Variants in ZFAND3 observed in about 807,000 individuals in gnomAD.
The protein encoded by ZFAND3 is AN1-type zinc finger protein 3.
A neutral mutation model predicts 29.6 loss-of-function variants in ZFAND3; 10 were observed. That is an observed-to-expected ratio of 0.34 (90% confidence interval 0.21 to 0.57). ZFAND3 has a LOEUF of 0.57. Ranked by LOEUF, ZFAND3 falls within the 20% of genes least tolerant of loss-of-function variation. The probability of loss-of-function intolerance (pLI) is 0.86; values close to 1 mark genes in which losing one functional copy is unlikely to be tolerated. For missense variants in ZFAND3, 230 were observed against 304.5 expected (o/e 0.76, Z 1.82); for synonymous variants, 128 against 112.6 (o/e 1.14, Z -0.87).
chr6:38,144,233 T>TATAATATATATATA, intron 5 of ZFAND3, among the ~76,000 whole-genome samples: 1 of 59,676 alleles, frequency 1.7e-5, no homozygotes, highest in African/African-American at 7.4e-5. Context: ...ATATATATAT[T>TATAATATATATATA]TTTTTTTTAA....
intron 3 of ZFAND3, among the ~76,000 whole-genome samples, chr6:38,065,054 C>T (rs1209574742): frequency 1.3e-5 from 2 of 152,166 alleles, no homozygotes; most frequent in African/African-American, 4.8e-5. Flanking sequence ...GCACATGGCT[C>T]ACGCCTGTAA....
At chr6:38,037,188 G>A (rs983329828) in intron 2 of ZFAND3, among the ~76,000 whole-genome samples, 2 of 152,144 alleles carry the variant, frequency 1.3e-5, no homozygotes, top group Admixed American at 1.3e-4. Flanking sequence ...ACCTCTTAAA[G>A]GTTTGTAAGG....
chr6:38,007,590 A>G (rs1281277888), intron 2 of ZFAND3, among the ~76,000 whole-genome samples: 2 of 152,150 alleles, frequency 1.3e-5, no homozygotes, highest in Admixed American at 1.3e-4. Flanking sequence ...GGATTTAGGA[A>G]TTGCTAATCA....
chr6:37,919,734 C>T (rs1761337201), intron 1 of ZFAND3, among the ~76,000 whole-genome samples: 1 of 152,194 alleles, frequency 6.6e-6, no homozygotes, highest in Non-Finnish European at 1.5e-5. Context: ...ATGGCAGCTA[C>T]TATTTGTAAT....
At chr6:37,987,241 C>T (rs1416002154) in intron 2 of ZFAND3, among the ~76,000 whole-genome samples, 1 of 152,106 alleles carries the variant, frequency 6.6e-6, no homozygotes, top group Non-Finnish European at 1.5e-5. Context: ...TCTGATGAGT[C>T]AGAGGTTGCG....
intron 2 of ZFAND3, among the ~76,000 whole-genome samples, chr6:37,958,292 A>T (rs1216453568): frequency 6.6e-6 from 1 of 152,054 alleles, no homozygotes; most frequent in Admixed American, 6.5e-5. Flanking sequence ...CATCTCTACT[A>T]AAAATACAAA....
chr6:37,882,348 G>A (rs958770927), intron 1 of ZFAND3, among the ~76,000 whole-genome samples: 15 of 152,146 alleles, frequency 9.9e-5, no homozygotes, highest in Admixed American at 3.3e-4. Flanking sequence ...CAAATCAGAA[G>A]CATGATATAG....
intron 2 of ZFAND3, among the ~76,000 whole-genome samples, chr6:37,959,385 C>T (rs1305819899): frequency 6.6e-6 from 1 of 152,154 alleles, no homozygotes; most frequent in Non-Finnish European, 1.5e-5. Context: ...TAGATGGCTC[C>T]AAATCCAGAA....
At chr6:37,888,141 AT>A (rs150638840) in intron 1 of ZFAND3, among the ~76,000 whole-genome samples, 9,210 of 152,228 alleles carry the variant, frequency 0.061, 344 homozygotes, top group Non-Finnish European at 0.085. Context: ...ACAGCTATAA[AT>A]TTTTTTATGT....
At chr6:37,875,596 A>G (rs565008034) in intron 1 of ZFAND3, among the ~76,000 whole-genome samples, 2 of 151,626 alleles carry the variant, frequency 1.3e-5, no homozygotes, top group East Asian at 3.9e-4. Flanking sequence ...GTTGTCATCT[A>G]TATATTAGTT....
intron 5 of ZFAND3, among the ~76,000 whole-genome samples, chr6:38,129,611 C>T (rs931324971): frequency 2.0e-5 from 3 of 151,952 alleles, no homozygotes; most frequent in Admixed American, 1.3e-4. Flanking sequence ...TTTGTTTTGT[C>T]AGAGGTCAGT....
intron 2 of ZFAND3, among the ~76,000 whole-genome samples, chr6:38,049,950 T>TATTTTA (rs775149707): frequency 0.32 from 8,123 of 25,426 alleles, 371 homozygotes; most frequent in Non-Finnish European, 0.49. Context: ...AATTAATTTT[T>TATTTTA]TTTTTTTTTT....
At chr6:38,081,649 G>A (rs944355762) in intron 3 of ZFAND3, among the ~76,000 whole-genome samples, 1 of 151,924 alleles carries the variant, frequency 6.6e-6, no homozygotes, top group Non-Finnish European at 1.5e-5. Context: ...GGGGAGTGTT[G>A]GGGTATGTAT....
At chr6:37,964,581 A>G (rs1357200289) in intron 2 of ZFAND3, among the ~76,000 whole-genome samples, 2 of 152,296 alleles carry the variant, frequency 1.3e-5, no homozygotes, top group Admixed American at 1.3e-4. Flanking sequence ...TTGGATCCCA[A>G]TGAGACGTAT....
intron 1 of ZFAND3, among the ~76,000 whole-genome samples, chr6:37,837,749 G>A (rs1362381803): frequency 1.3e-4 from 20 of 151,900 alleles, no homozygotes; most frequent in Admixed American, 8.5e-4. Context: ...CAGTTGATCC[G>A]CCCACCTCAG....
At chr6:38,106,894 A>G (rs1765221933) in intron 4 of ZFAND3, among the ~76,000 whole-genome samples, 1 of 152,226 alleles carries the variant, frequency 6.6e-6, no homozygotes, top group South Asian at 2.1e-4. Flanking sequence ...AAGCCTATAT[A>G]AATTAAACAG....
chr6:37,953,775 G>T (rs184540023), intron 2 of ZFAND3, among the ~76,000 whole-genome samples: 40 of 152,128 alleles, frequency 2.6e-4, no homozygotes, highest in African/African-American at 8.9e-4. Flanking sequence ...CTTTTAAAGA[G>T]ATTTAATTAA....
At chr6:38,062,924 CAAA>C (rs879824351) in intron 3 of ZFAND3, among the ~76,000 whole-genome samples, 1 of 133,142 alleles carries the variant, frequency 7.5e-6, no homozygotes. Context: ...TTGTCTCTAC[CAAA>C]AAAAAAAAAA....
intron 3 of ZFAND3, among the ~76,000 whole-genome samples, chr6:38,081,752 T>A (rs1163533754): frequency 1.3e-5 from 2 of 152,118 alleles, no homozygotes; most frequent in Non-Finnish European, 2.9e-5. Flanking sequence ...CTATATCTCT[T>A]GCATACTCTT....
Sources: allele counts gnomAD v4.1 joint callset (sites outside exome capture counted in the v4.1 genomes callset), GRCh38; gene constraint gnomAD v4.1.1; transcripts MANE v1.5; gene names NCBI Gene and HGNC (gene_info 2026-07-23, HGNC 2026-07-21).